The following DPP6 variants were observed in gnomAD, a reference collection of about 807,000 sequenced individuals.
DPP6 encodes the protein dipeptidyl peptidase like 6, also known as A-type potassium channel modulatory protein DPP6.
A neutral mutation model predicts 122.6 loss-of-function variants in DPP6; 69 were observed. That is an observed-to-expected ratio of 0.56 (90% confidence interval 0.46 to 0.69). DPP6 has a LOEUF of 0.69. Among genes scored for constraint, DPP6 ranks in the 30% least tolerant of loss-of-function variants. The probability of loss-of-function intolerance (pLI) is 0.00; values close to 1 mark genes in which losing one functional copy is unlikely to be tolerated. For synonymous variants in DPP6, 418 were observed against 433.1 expected (o/e 0.97, Z 0.43); for missense variants, 928 against 1,116.9 (o/e 0.83, Z 2.41).
At chr7:153,833,033 T>C in the DPP6 span, among the ~76,000 whole-genome samples, 12 of 152,222 alleles carry the variant, frequency 7.9e-5, no homozygotes, top group Non-Finnish European at 1.6e-4. Context: ...TCCTTTGCCG[T>C]GTATGGAAAA....
In DPP6 at chr7:154,486,190, G is replaced by A. The variant is rs1397449669; in HGVS notation, c.457+11153G>A. ...ACTCTATCGCCCAGGCTGGAGTGCA[G>A]TGGCACGATCTCAGCTCACTGCAAC... On this transcript the variant is annotated intron_variant, in intron 3 of 25. Transcript: ENST00000377770. The surrounding 1 kb of genome is among the most constrained non-coding windows in gnomAD (Gnocchi z 4.5). Among the ~76,000 whole-genome samples, 1 of 151,258 alleles carries A rather than the reference G, an allele frequency of 6.6e-6. No homozygotes were observed. Among genetic ancestry groups the A allele is most frequent in the African/African-American group, 2.4e-5 (1 of 40,980 alleles).
At chr7:154,214,905 G>T (rs572723568) in intron 1 of DPP6, among the ~76,000 whole-genome samples, 65 of 152,102 alleles carry the variant, frequency 4.3e-4, no homozygotes, top group Non-Finnish European at 7.1e-4. Context: ...GTGACACAGT[G>T]GGATCCAGTC....
At chr7:154,268,580 G>A (rs1421880940) in intron 1 of DPP6, among the ~76,000 whole-genome samples, 2 of 152,138 alleles carry the variant, frequency 1.3e-5, no homozygotes, top group Non-Finnish European at 2.9e-5. Flanking sequence ...TCTGACATAG[G>A]GATTTTGGAT....
At chr7:154,038,284 G>T in intron 1 of DPP6, 1 of 112,308 alleles carries the variant, frequency 8.9e-6, no homozygotes, top group Non-Finnish European at 1.7e-5. Context: ...GTCCTCTACT[G>T]GGGAGATACA....
chr7:154,389,234 A>C (rs1382438105), intron 1 of DPP6, among the ~76,000 whole-genome samples: 3 of 152,230 alleles, frequency 2.0e-5, no homozygotes, highest in African/African-American at 7.2e-5. Flanking sequence ...TTTGAAAGTC[A>C]CAGGCGATGT....
At chr7:154,420,543 T>C (rs770293400) in intron 1 of DPP6, among the ~76,000 whole-genome samples, 6 of 152,060 alleles carry the variant, frequency 3.9e-5, no homozygotes, top group Non-Finnish European at 7.4e-5. Flanking sequence ...AGGTATAAAA[T>C]TTCAGCGATG....
At chr7:154,391,456 A>G (rs562720789) in intron 1 of DPP6, among the ~76,000 whole-genome samples, 2 of 152,344 alleles carry the variant, frequency 1.3e-5, no homozygotes, top group Admixed American at 6.5e-5. Flanking sequence ...TGGTAGGCAC[A>G]TCTCTGAATG....
chr7:153,810,160 C>T, the DPP6 span, among the ~76,000 whole-genome samples: 1 of 152,228 alleles, frequency 6.6e-6, no homozygotes, highest in Non-Finnish European at 1.5e-5. Flanking sequence ...CCATGCTTCT[C>T]ATCTCACAGC....
At chr7:153,946,608 C>G (rs1801957886) in intron 1 of DPP6, among the ~76,000 whole-genome samples, 1 of 152,066 alleles carries the variant, frequency 6.6e-6, no homozygotes, top group South Asian at 2.1e-4. Context: ...ACTAAGAGCA[C>G]CTAACCTCCT....
chr7:153,920,793 T>A (rs1369774651), intron 1 of DPP6, among the ~76,000 whole-genome samples: 11 of 152,008 alleles, frequency 7.2e-5, no homozygotes, highest in Non-Finnish European at 1.3e-4. Context: ...ACTCCTGACC[T>A]CATGATCTGC....
chr7:154,125,510 C>T (rs748343485), intron 1 of DPP6, among the ~76,000 whole-genome samples: 11 of 152,236 alleles, frequency 7.2e-5, no homozygotes, highest in South Asian at 4.1e-4. Context: ...TGAGTGTGAA[C>T]GCATCAAACG....
intron 17 of DPP6, 68 bp from the exon 18 acceptor site, chr7:154,867,927 C>T (rs1331904564): frequency 1.3e-6 from 2 of 1,490,000 alleles, no homozygotes; most frequent in Non-Finnish European, 8.9e-7. Context: ...CATGAAAAGC[C>T]ATGGCCCGCA....
At chr7:154,054,858 G>A (rs1022135825) in intron 1 of DPP6, among the ~76,000 whole-genome samples, 2 of 150,398 alleles carry the variant, frequency 1.3e-5, no homozygotes, top group South Asian at 2.2e-4. Flanking sequence ...TCTAGGTGTC[G>A]CTAGGAGAAA....
At chr7:154,754,140 A>T (rs1334069610) in intron 8 of DPP6, among the ~76,000 whole-genome samples, 1 of 152,240 alleles carries the variant, frequency 6.6e-6, no homozygotes, top group African/African-American at 2.4e-5. Context: ...TGTGCAGAAT[A>T]TCTCAGTCCG....
At chr7:153,861,974 T>G in the DPP6 span, among the ~76,000 whole-genome samples, 9,881 of 152,156 alleles carry the variant, frequency 0.065, 542 homozygotes, top group East Asian at 0.27. Context: ...TAACTGATAC[T>G]CCCACATTTT....
chr7:154,021,128 C>T (rs561510912), intron 1 of DPP6, among the ~76,000 whole-genome samples: 2 of 152,136 alleles, frequency 1.3e-5, no homozygotes, highest in Non-Finnish European at 2.9e-5. Context: ...GGACCCATCC[C>T]ATCATCAGCG....
chr7:154,293,709 A>G (rs536660880), intron 1 of DPP6, among the ~76,000 whole-genome samples: 2 of 152,318 alleles, frequency 1.3e-5, no homozygotes, highest in East Asian at 1.9e-4. Flanking sequence ...GTGAGGTTCT[A>G]TGAGAAGCTC....
At chr7:154,111,484 G>T (rs1487551203) in intron 1 of DPP6, among the ~76,000 whole-genome samples, 3 of 152,166 alleles carry the variant, frequency 2.0e-5, no homozygotes, top group Non-Finnish European at 4.4e-5. Flanking sequence ...TCCTATCACC[G>T]GTGTGGGTAC....
At chr7:154,116,074 A>C (rs1000542395) in intron 1 of DPP6, among the ~76,000 whole-genome samples, 4 of 150,282 alleles carry the variant, frequency 2.7e-5, no homozygotes, top group African/African-American at 9.8e-5. Flanking sequence ...AGGTCTTTAC[A>C]CACCCACTGC....
Sources: gnomAD v4.1 joint callset for allele counts (sites outside exome capture counted in the v4.1 genomes callset) on GRCh38, gnomAD v4.1.1 for gene constraint, Gnocchi (gnomAD v3.1) non-coding constraint, MANE v1.5 for transcripts, NCBI Gene and HGNC (gene_info 2026-07-23, HGNC 2026-07-21) for gene names.